Variants in SCUBE1 observed in about 807,000 individuals in gnomAD.
SCUBE1 encodes signal peptide, CUB domain and EGF like domain containing 1.
Under a neutral mutation model 124.4 loss-of-function variants are expected in SCUBE1, and 59 were observed. The ratio of observed to expected loss-of-function variants is 0.47; its 90% CI spans 0.38 to 0.59. The LOEUF (loss-of-function observed/expected upper bound fraction) is 0.59. SCUBE1 is among the 20% of genes least tolerant of loss of function. The pLI is 0.00. For missense variants in SCUBE1, 1,150 were observed against 1,371.2 expected (o/e 0.84, Z 2.55); for synonymous variants, 545 against 550.9 (o/e 0.99, Z 0.15).
chr22:43,244,434 T>C (rs1404826045), intron 6 of SCUBE1, among the ~76,000 whole-genome samples: 5 of 152,158 alleles, frequency 3.3e-5, no homozygotes, highest in East Asian at 1.9e-4. Flanking sequence ...AATGACTAGA[T>C]TAATGAGCAG....
At chr22:43,248,310 G>A (rs746367713) in intron 6 of SCUBE1, among the ~76,000 whole-genome samples, 6 of 152,198 alleles carry the variant, frequency 3.9e-5, no homozygotes, top group Admixed American at 6.5e-5. Context: ...CGCACAAGGT[G>A]GCCTGGGTGG....
At chr22:43,216,342 C>T (rs995352413) in intron 15 of SCUBE1, among the ~76,000 whole-genome samples, 61 of 150,976 alleles carry the variant, frequency 4.0e-4, no homozygotes, top group African/African-American at 1.3e-3. Context: ...CTACCATGCC[C>T]GGCCCAAAAT....
intron 8 of SCUBE1, among the ~76,000 whole-genome samples, chr22:43,229,444 T>A (rs1368203123): frequency 1.3e-5 from 2 of 152,200 alleles, no homozygotes; most frequent in Non-Finnish European, 2.9e-5. Flanking sequence ...AGAAACATTG[T>A]GAATGGAAGG....
chr22:43,223,509 A>G (rs1443188853), intron 10 of SCUBE1, among the ~76,000 whole-genome samples: 1 of 152,162 alleles, frequency 6.6e-6, no homozygotes, highest in Non-Finnish European at 1.5e-5. Flanking sequence ...TGAGCTCTCC[A>G]GGGCAGGCGT....
Position 43,223,585 on chromosome 22 carries a change from G to A in SCUBE1, c.1208-369C>T, listed in dbSNP as rs947356839. Among the ~76,000 whole-genome samples, 4 of 152,316 alleles carry A rather than the reference G, an allele frequency of 2.6e-5. No individual in the cohort carries two copies. The East Asian group carries it at 7.7e-4, about 29-fold the overall frequency. On this transcript the variant is annotated intron_variant, in intron 10 of 21. Coordinates refer to ENST00000360835, the MANE Select transcript of SCUBE1 (RefSeq NM_173050.5). ...GGCTTCCTGGGAGGGGCCGTGGGGG[G>A]GATCGCTCGGAAGCACCTCTTTGGG...
chr22:43,342,895 C>A (rs1488494688), intron 1 of SCUBE1, among the ~76,000 whole-genome samples: 1 of 151,756 alleles, frequency 6.6e-6, no homozygotes, highest in Non-Finnish European at 1.5e-5. Flanking sequence ...CCCCGGGAAC[C>A]GCCGCCTTTC....
At chr22:43,342,291 C>A (rs1927345705) in intron 1 of SCUBE1, among the ~76,000 whole-genome samples, 1 of 151,966 alleles carries the variant, frequency 6.6e-6, no homozygotes, top group African/African-American at 2.4e-5. Context: ...AACCCACGGG[C>A]CTGGGCCTGT....
At chr22:43,279,883 C>T (rs761536608) in intron 4 of SCUBE1, among the ~76,000 whole-genome samples, 3 of 152,214 alleles carry the variant, frequency 2.0e-5, no homozygotes, top group Non-Finnish European at 4.4e-5. Flanking sequence ...AAGTGCAGTA[C>T]AGACGGCAGA....
At chr22:43,246,998 G>T (rs1396662586) in intron 6 of SCUBE1, among the ~76,000 whole-genome samples, 1 of 152,212 alleles carries the variant, frequency 6.6e-6, no homozygotes, top group Admixed American at 6.5e-5. Context: ...ACAGGCACCA[G>T]GCGCTGTTAA....
chr22:43,215,957 G>A (rs1921792778), intron 15 of SCUBE1, among the ~76,000 whole-genome samples: 1 of 152,150 alleles, frequency 6.6e-6, no homozygotes, highest in Non-Finnish European at 1.5e-5. Context: ...GGTCAAATGT[G>A]CACAATTGGG....
chr22:43,288,034 C>T (rs915819445), intron 4 of SCUBE1, among the ~76,000 whole-genome samples: 1 of 152,174 alleles, frequency 6.6e-6, no homozygotes, highest in African/African-American at 2.4e-5. Context: ...TGCACCTTGT[C>T]GTTCGAGAGC....
intron 21 of SCUBE1, among the ~76,000 whole-genome samples, 172 bp from the exon 22 acceptor site, chr22:43,204,321 G>A (rs1921131338): frequency 6.6e-6 from 1 of 151,614 alleles, no homozygotes; most frequent in Admixed American, 6.6e-5. Context: ...TATTTTTTTT[G>A]AGACAGTCTT....
At chr22:43,343,076 G>T in intron 1 of SCUBE1, 98 bp downstream of exon 1, 2 of 505,440 alleles carry the variant, frequency 4.0e-6, no homozygotes, top group Non-Finnish European at 2.7e-6. Flanking sequence ...GCCGCGCGGG[G>T]CGAGCTCGGG....
intron 6 of SCUBE1, among the ~76,000 whole-genome samples, chr22:43,249,968 C>A (rs1367709886): frequency 6.6e-6 from 1 of 152,238 alleles, no homozygotes; most frequent in East Asian, 1.9e-4. Flanking sequence ...ACCTCAGTGC[C>A]CCAACTGCGT....
intron 15 of SCUBE1, among the ~76,000 whole-genome samples, chr22:43,217,111 CA>C (rs1569497599): frequency 4.5e-4 from 47 of 105,164 alleles, no homozygotes; most frequent in East Asian, 2.6e-3. Context: ...CCCCAACCCC[CA>C]CCCCCCATCC....
rs1205377441 is a variant in SCUBE1, at chr22:43,198,770, T to C, written c.*5227A>G. ...GCTTCTCCCTGTGGGGCATGCACTG[T>C]GGCAGGCAAGGTGAGCAGGCTGTCC... On this transcript the variant is annotated 3_prime_UTR_variant, in exon 22 of 22. Coordinates refer to ENST00000360835, the MANE Select transcript of SCUBE1 (RefSeq NM_173050.5). 15 of 452,842 alleles carry C rather than the reference T, an allele frequency of 3.3e-5. No homozygotes were observed. The East Asian group carries it at 4.9e-4, about 15-fold the overall frequency. The allele number at this position is 452,842 out of a possible 1,614,324, so 28.1% of individuals were successfully genotyped here.
chr22:43,214,274 C>T (rs751599685), intron 15 of SCUBE1, 23 bp from the exon 16 acceptor site: 5 of 1,603,588 alleles, frequency 3.1e-6, no homozygotes, highest in Middle Eastern at 1.7e-4. Context: ...AGCGGAGAGG[C>T]TGCTGGAGGC....
intron 15 of SCUBE1, among the ~76,000 whole-genome samples, chr22:43,216,186 G>A (rs2146661463): frequency 6.6e-6 from 1 of 151,838 alleles, no homozygotes; most frequent in East Asian, 2.0e-4. Flanking sequence ...AGCTAGGATT[G>A]CAGGCGCTCG....
chr22:43,243,661 G>A (rs1430870345), intron 6 of SCUBE1, among the ~76,000 whole-genome samples: 2 of 152,250 alleles, frequency 1.3e-5, no homozygotes, highest in Non-Finnish European at 2.9e-5. Flanking sequence ...TTAAGGGACA[G>A]GCGCTATGGA....
Sources: allele counts gnomAD v4.1 joint callset (sites outside exome capture counted in the v4.1 genomes callset), GRCh38; gene constraint gnomAD v4.1.1; transcripts MANE v1.5; gene names NCBI Gene and HGNC (gene_info 2026-07-23, HGNC 2026-07-21).